The following INSRR variants were observed in gnomAD, a reference collection of about 807,000 sequenced individuals.
The protein encoded by INSRR is insulin receptor related receptor.
A neutral mutation model predicts 130.0 loss-of-function variants in INSRR; 114 were observed. The observed-to-expected ratio is 0.88, with a 90% CI of 0.75 to 1.02. INSRR has a LOEUF of 1.02. Among genes scored for constraint, INSRR ranks in the 50% least tolerant of loss-of-function variants. INSRR has a pLI of 0.00. For synonymous variants in INSRR, 674 were observed against 705.2 expected, an observed-to-expected ratio of 0.96 and a Z score of 0.70; for missense variants, 1,657 against 1,735.2, an observed-to-expected ratio of 0.95 and a Z score of 0.80.
Position 156,853,762 on chromosome 1 carries a change from G to A in INSRR, c.627C>T (p.His209=). The A allele has an allele frequency of 6.3e-7, 1 of 1,599,148 alleles. No homozygotes were observed. The highest frequency in any genetic ancestry group is 1.7e-5 in the Admixed American group (1 of 59,724). The change falls in exon 2 of 22, where the codon CAC becomes CAT. Residue 209 remains histidine, a synonymous_variant. Transcript: ENST00000368195. The part of the protein sequence containing the change: ...HTDYRCWTSS[H]CQRVCPCPHG... ...TGTGCCAGTGCCCACCTCTCTGGCA[G>A]TGGCTGGAGGTCCAGCATCTGTAGT...
In INSRR at chr1:156,841,790, G is replaced by A. The variant is rs754528584; in HGVS notation, c.3402C>T (p.Phe1134=). 1.7e-5 allele frequency: 27 copies of A among 1,613,982 alleles called. No homozygotes were observed. Among genetic ancestry groups the A allele is most frequent in the Non-Finnish European group, 2.3e-5 (27 of 1,180,014 alleles). ...SQDFTVKIGD[F]GMTRDVYETD... ...TCTCATACACGTCCCGAGTCATCCC[G>A]AAGTCTGGAAAGTGAGGGTGAGGGT... The change falls in exon 20 of 22, where the codon TTC becomes TTT. Residue 1134 remains phenylalanine (F), a synonymous_variant. Coordinates refer to ENST00000368195, the MANE Select transcript of INSRR (RefSeq NM_014215.3).
chr1:156,841,112 G>A lies in INSRR; in HGVS notation c.3663-8C>T, dbSNP rs762070981. ...CGGCTCATCAGCTCCTGCCTGGTGG[G>A]TGTGGGGAGCAGGGTCAGAGGCATC... On this transcript the variant is annotated splice_region_variant and splice_polypyrimidine_tract_variant and intron_variant, in intron 21 of 21. Transcript: ENST00000368195. 9.7e-6 allele frequency: 15 copies of A among 1,553,626 alleles called. No individual in the cohort carries two copies. In the African/African-American group the frequency reaches 1.9e-4, roughly 20 times the overall value.
Position 156,845,357 on chromosome 1 carries a change from C to T in INSRR, c.2216+15G>A. 1 of 1,597,320 alleles carries T rather than the reference C, an allele frequency of 6.3e-7. No homozygotes were observed. Among genetic ancestry groups the T allele is most frequent in the South Asian group, 1.1e-5 (1 of 88,524 alleles). On this transcript the variant is annotated intron_variant, in intron 11 of 21. Transcript: ENST00000368195. ...CAAAGCCACGCCCCTCAGCACCTGC[C>T]CTAGTCCTGCTCACCTTTGGGGGCT...
intron 11 of INSRR, 31 bp downstream of exon 11, chr1:156,845,341 G>T (rs1654956159): frequency 6.2e-7 from 1 of 1,607,458 alleles, no homozygotes; most frequent in African/African-American, 1.3e-5. Context: ...CCAAAGCCAC[G>T]CCCCTCAGCA....
At position 156,851,429 on chromosome 1, in the gene INSRR, G is replaced by A. The variant is rs201245118; in HGVS notation, c.1090C>T (p.Leu364=). The change falls in exon 5 of 22, where the codon CTG becomes TTG. Residue 364 remains leucine (L), a synonymous_variant. Transcript: ENST00000368195. ...AGGCTGTGCTGCAGCTGTGGCTCCA[G>A]GTTGTCTAGGGATGGGAAGACAGGG... is the stretch of plus-strand genomic sequence containing the variant. ...LILNLRQGYN[L]EPQLQHSLGL... is the part of the protein sequence containing the mutation. The A allele has an allele frequency of 1.2e-6, 2 of 1,614,032 alleles. No homozygotes were observed. The highest frequency in any genetic ancestry group is 1.7e-6 in the Non-Finnish European group (2 of 1,180,018).
intron 5 of INSRR, among the ~76,000 whole-genome samples, chr1:156,850,541 T>A (rs866255221): frequency 1.2e-3 from 110 of 92,354 alleles, no homozygotes; most frequent in African/African-American, 7.4e-3. Flanking sequence ...ATTCTTTTTT[T>A]TTTTTTTTTT....
rs916776833 is a variant in INSRR at position 156,843,337 on chromosome 1, T to C, written c.2896+90A>G. The C allele has an allele frequency of 1.9e-6, 3 of 1,569,810 alleles. No homozygotes were observed. The African/African-American group carries it at 4.1e-5, about 21-fold the overall frequency. On this transcript the variant is annotated intron_variant, in intron 16 of 21. Coordinates refer to ENST00000368195, the MANE Select transcript of INSRR (RefSeq NM_014215.3). ...CTGAAGGGCTCTTGTCCCAAGGCTA[T>C]CTTCTGCAAGAAGGTCTTCTGGAAG...
rs746766711 is a variant in INSRR, at chr1:156,842,206, G to A, written c.3303C>T (p.Asp1101=). 2.9e-5 allele frequency: 46 copies of A among 1,613,916 alleles called. No homozygotes were observed. Among genetic ancestry groups the A allele is most frequent in the Admixed American group, 5.0e-5 (3 of 59,980 alleles). ...TGTTGGCAGCAAGGTAGGCCATGCC[G>A]TCTGCAATCTCACCAGCCATTTGGA... The part of the protein sequence containing the change: ...EMIQMAGEIA[D]GMAYLAANKF... The change falls in exon 19 of 22, where the codon GAC becomes GAT. Residue 1101 remains aspartate (D), a synonymous_variant. Transcript: ENST00000368195.
intron 1 of INSRR, among the ~76,000 whole-genome samples, chr1:156,856,037 C>T (rs1340604491): frequency 6.6e-6 from 1 of 151,760 alleles, no homozygotes; most frequent in Non-Finnish European, 1.5e-5. Context: ...AACTCCTGGC[C>T]TCTTCAAGTA....
intron 5 of INSRR, 53 bp from the exon 6 acceptor site, chr1:156,849,513 G>GGGGGGC: frequency 2.1e-5 from 10 of 486,114 alleles, no homozygotes; most frequent in African/African-American, 4.0e-5. Context: ...CAGGGGGTGG[G>GGGGGGC]AAAGGGGATG....
rs766446804 is a variant in INSRR, at chr1:156,845,939, C to T, written c.1978+13G>A. ...CCCGCCCCGCGGCCGGCCTGCGCGT[C>T]GTCCCTGCGCACCGCGGTGGCAGTA... On this transcript the variant is annotated intron_variant, in intron 9 of 21. Coordinates refer to ENST00000368195, the MANE Select transcript of INSRR (RefSeq NM_014215.3). The T allele has an allele frequency of 6.2e-6, 10 of 1,608,790 alleles. No individual in the cohort carries two copies. The South Asian group carries it at 1.1e-4, about 18-fold the overall frequency.
At chr1:156,857,030 C>T (rs1260969018) in intron 1 of INSRR, among the ~76,000 whole-genome samples, 4 of 152,132 alleles carry the variant, frequency 2.6e-5, no homozygotes, top group South Asian at 2.1e-4. Flanking sequence ...CCACATGCCA[C>T]GCTATCCAGG....
chr1:156,842,950 C>T (rs1654852041), intron 17 of INSRR, 54 bp downstream of exon 17: 4 of 1,386,898 alleles, frequency 2.9e-6, no homozygotes, highest in South Asian at 1.2e-5. Context: ...TCTTTCTTAC[C>T]ACATGACCTT....
Position 156,842,125 on chromosome 1 carries a change from G to A in INSRR, c.3384C>T (p.Thr1128=), listed in dbSNP as rs1654817130. 3.7e-6 allele frequency: 6 copies of A among 1,614,012 alleles called. No individual in the cohort carries two copies. The highest frequency in any genetic ancestry group is 5.1e-6 in the Non-Finnish European group (6 of 1,179,994). The change falls in exon 19 of 22, where the codon ACC becomes ACT. Residue 1128 remains threonine (T), a synonymous_variant. Transcript: ENST00000368195. ...CACCCTCTGTACCCCCGATCTTGACGGTGAAGTCCTGGGACACCATGCAGT... is the reference window on the plus strand; with the variant it reads ...CACCCTCTGTACCCCCGATCTTGACAGTGAAGTCCTGGGACACCATGCAGT... ...ARNCMVSQDF[T]VKIGDFGMTR...
chr1:156,844,366 G>A (rs1654909546), intron 14 of INSRR, 86 bp from the exon 15 acceptor site: 1 of 1,549,824 alleles, frequency 6.5e-7, no homozygotes, highest in Non-Finnish European at 8.8e-7. Context: ...GCTGGGAGGT[G>A]AGGATGGGGA....
rs781314846 is a variant in INSRR at position 156,852,070 on chromosome 1, G to A, written c.759C>T (p.Tyr253=). 8.1e-6 allele frequency: 13 copies of A among 1,613,550 alleles called. No individual in the cohort carries two copies. In the African/African-American group the frequency reaches 1.2e-4, roughly 15 times the overall value. ...AGGCCCACAGGCAGGCACCCTGGAA[G>A]TAGAGGTGGCGGCAAGCTACACAGG... is the stretch of plus-strand genomic sequence containing the variant. ...PRACVACRHL[Y]FQGACLWACP... Residue 253 remains tyrosine (Y), a synonymous_variant, in exon 3 of 22, where the codon TAC becomes TAT. Coordinates refer to ENST00000368195, the MANE Select transcript of INSRR (RefSeq NM_014215.3).
Position 156,840,919 on chromosome 1 carries a change from G to C in INSRR, c.3848C>G (p.Pro1283Arg). ...TTGAGGGCTGCAGTCTCTTGGAGTG[G>C]GTGAGGAGTCAGGCTCTGCATCGGT... ...PTTDAEPDSS[P>R]TPRDCSPQNG... Residue 1283 changes from proline to arginine, a missense_variant, in exon 22 of 22, where the codon CCC (proline) becomes CGC (arginine). Coordinates refer to ENST00000368195, the MANE Select transcript of INSRR (RefSeq NM_014215.3). The C allele has an allele frequency of 6.2e-7, 1 of 1,614,088 alleles. No homozygotes were observed.
rs745413759 is a variant in INSRR, at chr1:156,854,051, T to A, written c.338A>T (p.Tyr113Phe). The change falls in exon 2 of 22, where the codon TAT becomes TTT. Residue 113 changes from tyrosine to phenylalanine, a missense_variant. Physicochemically the swap from Tyr to Phe is conservative, Grantham distance 22. Coordinates refer to ENST00000368195, the MANE Select transcript of INSRR (RefSeq NM_014215.3). This position sits in a 1 kb window ranked among gnomAD's most constrained non-coding sequence, Gnocchi z 4.2. ...VIRGTRLFLG[Y>F]ALVIFEMPHL... The stretch of plus-strand genomic sequence containing the variant: ...TGGCATCTCAAAGATGACCAGTGCA[T>A]AGCCCAGGAAGAGGCGCGTCCCGCG... 6.2e-7 allele frequency: 1 copy of A among 1,614,100 alleles called. No homozygotes were observed. Among genetic ancestry groups the A allele is most frequent in the South Asian group, 1.1e-5 (1 of 91,090 alleles).
chr1:156,848,537 G>A (rs1003778272), intron 7 of INSRR, among the ~76,000 whole-genome samples: 4 of 152,212 alleles, frequency 2.6e-5, no homozygotes, highest in African/African-American at 9.6e-5. Context: ...TAAATGAAAT[G>A]CTGGCAGAGC....
Sources: gnomAD v4.1 joint callset for allele counts (sites outside exome capture counted in the v4.1 genomes callset) on GRCh38, gnomAD v4.1.1 for gene constraint, Gnocchi (gnomAD v3.1) non-coding constraint, MANE v1.5 for transcripts, NCBI Gene and HGNC (gene_info 2026-07-23, HGNC 2026-07-21) for gene names.